The following MYCBP2 variants were observed in gnomAD, a reference collection of about 807,000 sequenced individuals.
MYCBP2 encodes the protein E3 ubiquitin-protein ligase MYCBP2.
A neutral mutation model predicts 525.3 loss-of-function variants in MYCBP2; 120 were observed. The ratio of observed to expected loss-of-function variants is 0.23; its 90% CI spans 0.20 to 0.27. The LOEUF is 0.27. Ranked by LOEUF, MYCBP2 falls within the 10% of genes least tolerant of loss-of-function variation. The pLI, the probability that MYCBP2 is intolerant of heterozygous loss-of-function variation, is 1.00. For synonymous variants in MYCBP2, 1,894 were observed against 1,955.8 expected (o/e 0.97, Z 0.83); for missense variants, 4,149 against 5,657.1 (o/e 0.73, Z 8.55).
In MYCBP2 at chr13:77,081,467, C is replaced by T. The variant is rs775516359; in HGVS notation, c.11378G>A (p.Arg3793His). 1.6e-5 allele frequency: 25 copies of T among 1,612,624 alleles called. No individual in the cohort carries two copies. Among genetic ancestry groups the T allele is most frequent in the East Asian group, 4.5e-5 (2 of 44,860 alleles). ...TINCVKGINARYVSVHVDNSR... is the reference protein window; with the variant it reads ...TINCVKGINAHYVSVHVDNSR... Reference sequence around the variant, plus strand: ...ATTGTCCACGTGAACAGACACATAGCGGGCATTGATTCCTTTTACACAGTT... The same window carrying T: ...ATTGTCCACGTGAACAGACACATAGTGGGCATTGATTCCTTTTACACAGTT... The change falls in exon 65 of 83, where the codon CGC (arginine) becomes CAC (histidine). Residue 3793 changes from arginine to histidine, a missense_variant. Arg to His is a conservative substitution (Grantham distance 29). This residue lies in a region of MYCBP2 where 509 missense variants were observed against 789.4 expected (regional missense o/e 0.64). Transcript: ENST00000544440. This position sits in a 1 kb window ranked among gnomAD's most constrained non-coding sequence, Gnocchi z 4.6.
chr13:77,180,784 G>A (rs562450389), intron 33 of MYCBP2, among the ~76,000 whole-genome samples: 13 of 152,250 alleles, frequency 8.5e-5, no homozygotes, highest in African/African-American at 3.1e-4. Flanking sequence ...GCTGGGTGTG[G>A]TGGTATGTGC....
In MYCBP2 at chr13:77,270,446, C is replaced by A. The variant is rs1428169788; in HGVS notation, c.1038G>T (p.Lys346Asn). ...QIQDWFSNGI[K>N]KAALMHKWPL... ...GCCACTTGTGCATTAAAGCTGCTTTCTTAATGCCATTACTAAACCAGTCCT... is the reference window on the plus strand; with the variant it reads ...GCCACTTGTGCATTAAAGCTGCTTTATTAATGCCATTACTAAACCAGTCCT... Residue 346 changes from lysine (K) to asparagine (N), a missense_variant, in exon 6 of 83, where the codon AAG becomes AAT. Transcript: ENST00000544440. 1.2e-6 allele frequency: 2 copies of A among 1,613,786 alleles called. No homozygotes were observed. Among genetic ancestry groups the A allele is most frequent in the South Asian group, 2.2e-5 (2 of 91,066 alleles).
chr13:77,204,768 AATC>A lies in MYCBP2; in HGVS notation c.3843+485_3843+487del, dbSNP rs546107564. Among the ~76,000 whole-genome samples the A allele has an allele frequency of 9.6e-3, 1,256 of 130,544 alleles. 3 individuals are homozygous for A. The highest frequency in any genetic ancestry group is 0.013 in the African/African-American group (440 of 34,782). 85.6% of individuals were successfully genotyped at this position (130,544 alleles called of 152,430 possible). A position where few individuals can be genotyped will look rare whatever the true frequency, so the allele number is the denominator to read the frequency against. On this transcript the variant is annotated intron_variant, in intron 26 of 82. Coordinates refer to ENST00000544440, the MANE Select transcript of MYCBP2 (RefSeq NM_015057.5). ...TTGTAGGGACATGGATGAAATTGGA[AATC>A]ATCATTCTCAGTAAACTATCGCAAG... is the stretch of plus-strand genomic sequence containing the variant.
chr13:77,076,862 T>G lies in MYCBP2; in HGVS notation c.11725-13A>C, dbSNP rs529468371. On this transcript the variant is annotated splice_polypyrimidine_tract_variant and intron_variant, in intron 67 of 82. Transcript: ENST00000544440. ...GCTTTCCAAATACCTGATGAAGATA[T>G]GCATGTGAGAAGGAATTAATGACAG... The G allele has an allele frequency of 2.5e-6, 4 of 1,575,796 alleles. No homozygotes were observed. Among genetic ancestry groups the G allele is most frequent in the Middle Eastern group, 1.7e-4 (1 of 5,976 alleles).
intron 54 of MYCBP2, among the ~76,000 whole-genome samples, chr13:77,123,961 C>T (rs2051203255): frequency 6.6e-6 from 1 of 152,134 alleles, no homozygotes; most frequent in African/African-American, 2.4e-5. Context: ...GTCTGATTTA[C>T]ATCAAGCGGA....
intron 55 of MYCBP2, among the ~76,000 whole-genome samples, chr13:77,110,424 T>C (rs1337851625): frequency 3.3e-5 from 5 of 152,152 alleles, no homozygotes; most frequent in Admixed American, 2.0e-4. Flanking sequence ...TTGAACCCTG[T>C]TTTCTGTTAA....
intron 18 of MYCBP2, among the ~76,000 whole-genome samples, chr13:77,229,493 CTA>C (rs1239735149): frequency 2.6e-5 from 4 of 152,094 alleles, no homozygotes; most frequent in African/African-American, 9.7e-5. Context: ...TAAAAATAAA[CTA>C]TGCATTTAAT....
rs187803205 is a variant in MYCBP2 at position 77,074,250 on chromosome 13, C to T, written c.11823+2501G>A. Among the ~76,000 whole-genome samples, 635 of 152,094 alleles carry T rather than the reference C, an allele frequency of 4.2e-3. 12 individuals are homozygous for T. Among genetic ancestry groups the T allele is most frequent in the Non-Finnish European group, 3.3e-3 (227 of 67,972 alleles). ...ATAAATGATAGTCTTCTCAATGAATCGTAGTAGAACAATTGAACATCTATA... is the reference window on the plus strand; with the variant it reads ...ATAAATGATAGTCTTCTCAATGAATTGTAGTAGAACAATTGAACATCTATA... On this transcript the variant is annotated intron_variant, in intron 68 of 82. Transcript: ENST00000544440.
chr13:77,326,841 A>T lies in MYCBP2; in HGVS notation c.-66T>A. On this transcript the variant is annotated 5_prime_UTR_variant, in exon 1 of 83. Coordinates refer to ENST00000544440, the MANE Select transcript of MYCBP2 (RefSeq NM_015057.5). The surrounding 1 kb of genome is among the most constrained non-coding windows in gnomAD (Gnocchi z 4.2). ...GCCGGGCGGGCAGACACGCGCGCGC[A>T]CACACAGCCCTTTTCCAACGACGAC... is the stretch of plus-strand genomic sequence containing the variant. The T allele has an allele frequency of 7.4e-7, 1 of 1,352,602 alleles. No homozygotes were observed. The highest frequency in any genetic ancestry group is 3.1e-5 in the East Asian group (1 of 32,620). 83.8% of individuals were successfully genotyped at this position (1,352,602 alleles called of 1,614,324 possible).
rs1413341343 is a variant in MYCBP2, at chr13:77,167,002, CA to C, written c.6115-449del. Among the ~76,000 whole-genome samples the C allele has an allele frequency of 2.7e-5, 4 of 150,708 alleles. No individual in the cohort carries two copies. In the East Asian group the frequency reaches 5.8e-4, roughly 22 times the overall value. On this transcript the variant is annotated intron_variant, in intron 40 of 82. Transcript: ENST00000544440. ...ACACACACACACACACACACACACACACACACACACACACACACACACACCA... is the reference window on the plus strand; with the variant it reads ...ACACACACACACACACACACACACACCACACACACACACACACACACACCA...
chr13:77,059,465 G>T, intron 77 of MYCBP2, 58 bp downstream of exon 77: 1 of 1,265,522 alleles, frequency 7.9e-7, no homozygotes, highest in Non-Finnish European at 1.2e-6. Flanking sequence ...TCTGTATGAA[G>T]TAAAGGTGTC....
At chr13:77,165,412 G>C in intron 41 of MYCBP2, 21 bp from the exon 42 acceptor site, 2 of 1,518,760 alleles carry the variant, frequency 1.3e-6, no homozygotes, top group Non-Finnish European at 1.8e-6. Context: ...TGCCAGAATT[G>C]AGTTCAAACT....
intron 1 of MYCBP2, among the ~76,000 whole-genome samples, chr13:77,314,688 A>C (rs1007920335): frequency 6.6e-6 from 1 of 152,218 alleles, no homozygotes; most frequent in Non-Finnish European, 1.5e-5. Context: ...TGATAAATAC[A>C]TGTCATTATA....
At chr13:77,260,020 G>C (rs2072987178) in intron 13 of MYCBP2, among the ~76,000 whole-genome samples, 1 of 152,214 alleles carries the variant, frequency 6.6e-6, no homozygotes, top group Non-Finnish European at 1.5e-5. Context: ...GGATAGAATA[G>C]TAAATAAGAC....
chr13:77,182,155 C>T (rs561414153), intron 32 of MYCBP2, among the ~76,000 whole-genome samples: 1 of 152,268 alleles, frequency 6.6e-6, no homozygotes, highest in South Asian at 2.1e-4. Context: ...AAATCAGGCT[C>T]CTGTCCTCTA....
intron 21 of MYCBP2, among the ~76,000 whole-genome samples, chr13:77,214,065 T>C (rs1686757150): frequency 1.3e-5 from 2 of 152,326 alleles, no homozygotes; most frequent in Admixed American, 1.3e-4. Flanking sequence ...GCCAAAATAC[T>C]AAATATGGAT....
chr13:77,051,121 A>G lies in MYCBP2; in HGVS notation c.13797T>C (p.Cys4599=), dbSNP rs1488414467. Residue 4599 remains cysteine, a synonymous_variant, in exon 82 of 83, where the codon TGT becomes TGC. Coordinates refer to ENST00000544440, the MANE Select transcript of MYCBP2 (RefSeq NM_015057.5). ...AAACAGCCACTGAACAGCAGTAGCG[A>G]CATTTATATTCCAAAAAGTCTGTGC... ...KHGTDFLEYK[C]RYCCSVAVFF... 1.2e-6 allele frequency: 2 copies of G among 1,612,294 alleles called. No individual in the cohort carries two copies. The highest frequency in any genetic ancestry group is 1.3e-5 in the African/African-American group (1 of 74,718).
Position 77,326,587 on chromosome 13 carries a change from G to A in MYCBP2, c.189C>T (p.His63=). The change falls in exon 1 of 83, where the codon CAC becomes CAT. Residue 63 remains histidine (H), a synonymous_variant. Transcript: ENST00000544440. The surrounding 1 kb of genome is among the most constrained non-coding windows in gnomAD (Gnocchi z 4.2). ...CCCGGCCTGACAGCAGCAGCTGGTA[G>A]TGACCCCGGGAGTCCGCGGCGGGTA... ...LGLPAADSRG[H]YQLLLSGRAL... is the part of the protein sequence containing the mutation. The A allele has an allele frequency of 6.3e-7, 1 of 1,594,346 alleles. No homozygotes were observed. The highest frequency in any genetic ancestry group is 8.5e-7 in the Non-Finnish European group (1 of 1,171,834).
chr13:77,175,361 A>G (rs894792773), intron 36 of MYCBP2, among the ~76,000 whole-genome samples: 2 of 152,160 alleles, frequency 1.3e-5, no homozygotes, highest in African/African-American at 4.8e-5. Flanking sequence ...ATAGAAATAT[A>G]TAGGCAAACA....
Sources: gnomAD v4.1 joint callset for allele counts (sites outside exome capture counted in the v4.1 genomes callset) on GRCh38, gnomAD v4.1.1 for gene constraint, gnomAD v4.1.1 regional missense constraint, Gnocchi (gnomAD v3.1) non-coding constraint, MANE v1.5 for transcripts, NCBI Gene and HGNC (gene_info 2026-07-23, HGNC 2026-07-21) for gene names.